The following ST6GALNAC3 variants were observed in gnomAD, a reference collection of about 807,000 sequenced individuals.
ST6GALNAC3 encodes the protein ST6 N-acetylgalactosaminide alpha-2,6-sialyltransferase 3.
Under a neutral mutation model 32.7 loss-of-function variants are expected in ST6GALNAC3, and 25 were observed. The observed-to-expected ratio is 0.76, with a 90% CI of 0.56 to 1.07. ST6GALNAC3 has a LOEUF of 1.07. Ranked by LOEUF, ST6GALNAC3 falls within the 50% of genes least tolerant of loss-of-function variation. ST6GALNAC3 has a pLI of 0.00. For synonymous variants in ST6GALNAC3, 129 were observed against 133.1 expected (o/e 0.97, Z 0.21); for missense variants, 355 against 382.4 (o/e 0.93, Z 0.60).
At chr1:76,537,762 A>G (rs1663712143) in intron 3 of ST6GALNAC3, among the ~76,000 whole-genome samples, 1 of 152,148 alleles carries the variant, frequency 6.6e-6, no homozygotes, top group East Asian at 1.9e-4. Context: ...TAACTAGAAA[A>G]TACAGTAGAA....
chr1:76,610,433 C>A (rs567573468), intron 3 of ST6GALNAC3, among the ~76,000 whole-genome samples: 1 of 152,208 alleles, frequency 6.6e-6, no homozygotes, highest in South Asian at 2.1e-4. Flanking sequence ...AGGGAAGCAT[C>A]AAAGTTAGGT....
intron 2 of ST6GALNAC3, among the ~76,000 whole-genome samples, chr1:76,408,946 G>T (rs1258470399): frequency 6.6e-6 from 1 of 152,134 alleles, no homozygotes; most frequent in East Asian, 1.9e-4. Context: ...TTGCATGACT[G>T]TAAGTGAATT....
chr1:76,625,835 TG>T (rs1327588251), intron 3 of ST6GALNAC3, among the ~76,000 whole-genome samples: 1 of 151,930 alleles, frequency 6.6e-6, no homozygotes, highest in East Asian at 1.9e-4. Flanking sequence ...TAACTCACTG[TG>T]ATCTAGTTTC....
In ST6GALNAC3 at chr1:76,542,418, C is replaced by A. The variant is rs145879098; in HGVS notation, c.624-85034C>A. ...TATAGTAAGGGCTCAAAAAATGAAG[C>A]CTGCTATGGAATTATGACTATTAAT... On this transcript the variant is annotated intron_variant, in intron 3 of 4. Transcript: ENST00000328299. Among the ~76,000 whole-genome samples, 822 of 152,238 alleles carry A rather than the reference C, an allele frequency of 5.4e-3. 4 individuals are homozygous for A. Among genetic ancestry groups the A allele is most frequent in the Non-Finnish European group, 9.7e-3 (657 of 68,014 alleles).
chr1:76,374,753 A>G (rs1484396174), intron 2 of ST6GALNAC3, among the ~76,000 whole-genome samples: 1 of 152,150 alleles, frequency 6.6e-6, no homozygotes, highest in Non-Finnish European at 1.5e-5. Flanking sequence ...TTAATTTTAC[A>G]TTAATATTGA....
intron 1 of ST6GALNAC3, among the ~76,000 whole-genome samples, chr1:76,229,957 T>C (rs1432267063): frequency 1.3e-5 from 2 of 152,190 alleles, no homozygotes; most frequent in Non-Finnish European, 2.9e-5. Flanking sequence ...TGTAAAACTA[T>C]AAAGGAAAAC....
intron 3 of ST6GALNAC3, among the ~76,000 whole-genome samples, chr1:76,528,905 T>A (rs1663082726): frequency 6.7e-6 from 1 of 150,374 alleles, no homozygotes; most frequent in Admixed American, 6.7e-5. Flanking sequence ...GATATTAGCA[T>A]CAAGCAGATT....
chr1:76,237,422 G>GA (rs1656720186), intron 1 of ST6GALNAC3, among the ~76,000 whole-genome samples: 4 of 152,176 alleles, frequency 2.6e-5, no homozygotes, highest in Non-Finnish European at 5.9e-5. Flanking sequence ...GCCTGGTGTG[G>GA]AATTCTTTAA....
intron 3 of ST6GALNAC3, among the ~76,000 whole-genome samples, chr1:76,422,041 A>G (rs1655061558): frequency 6.6e-6 from 1 of 151,820 alleles, no homozygotes; most frequent in Non-Finnish European, 1.5e-5. Flanking sequence ...CTAACATTCT[A>G]TATAATATAC....
At chr1:76,614,282 G>A (rs1648131598) in intron 3 of ST6GALNAC3, among the ~76,000 whole-genome samples, 1 of 152,118 alleles carries the variant, frequency 6.6e-6, no homozygotes, top group South Asian at 2.1e-4. Flanking sequence ...AGATTCTCAG[G>A]CCAATTCTCA....
At chr1:76,614,992 T>C (rs1278687868) in intron 3 of ST6GALNAC3, among the ~76,000 whole-genome samples, 5 of 151,948 alleles carry the variant, frequency 3.3e-5, no homozygotes, top group Non-Finnish European at 2.9e-5. Context: ...CTTCTGGAAA[T>C]AGTAGTAAGA....
intron 2 of ST6GALNAC3, among the ~76,000 whole-genome samples, chr1:76,379,361 A>T (rs1651523361): frequency 6.6e-6 from 1 of 152,134 alleles, no homozygotes; most frequent in South Asian, 2.1e-4. Context: ...AACTCGCCTA[A>T]ATCTCCCACC....
chr1:76,393,801 T>C (rs1652741043), intron 2 of ST6GALNAC3, among the ~76,000 whole-genome samples: 2 of 152,134 alleles, frequency 1.3e-5, no homozygotes, highest in African/African-American at 4.8e-5. Context: ...TCCCAAGAAG[T>C]GTGGATCCTG....
At chr1:76,128,143 T>C (rs1206844361) in intron 1 of ST6GALNAC3, among the ~76,000 whole-genome samples, 1 of 152,140 alleles carries the variant, frequency 6.6e-6, no homozygotes, top group East Asian at 1.9e-4. Context: ...GCATTGCCTA[T>C]GGGCTTGGAA....
intron 1 of ST6GALNAC3, among the ~76,000 whole-genome samples, chr1:76,281,846 G>A (rs963979960): frequency 6.6e-5 from 10 of 152,106 alleles, no homozygotes; most frequent in Non-Finnish European, 1.0e-4. Flanking sequence ...TTTTTAGACC[G>A]AATTGGCAGT....
At chr1:76,464,535 T>A (rs146622581) in intron 3 of ST6GALNAC3, among the ~76,000 whole-genome samples, 1 of 152,180 alleles carries the variant, frequency 6.6e-6, no homozygotes. Flanking sequence ...TGCTGACAAG[T>A]TGACCACCAG....
chr1:76,541,004 T>C (rs1452138256), intron 3 of ST6GALNAC3, among the ~76,000 whole-genome samples: 3 of 152,046 alleles, frequency 2.0e-5, no homozygotes, highest in Non-Finnish European at 2.9e-5. Context: ...CTAAGTAAGT[T>C]TTTAGAGTCA....
intron 1 of ST6GALNAC3, among the ~76,000 whole-genome samples, chr1:76,287,230 T>A (rs918622460): frequency 6.6e-6 from 1 of 152,122 alleles, no homozygotes; most frequent in African/African-American, 2.4e-5. Flanking sequence ...GATTTCTCAT[T>A]TTGCACAAAT....
At chr1:76,324,060 A>G (rs1386294022) in intron 2 of ST6GALNAC3, among the ~76,000 whole-genome samples, 2 of 152,052 alleles carry the variant, frequency 1.3e-5, no homozygotes, top group East Asian at 1.9e-4. Context: ...TGGTTTCACC[A>G]TGTTGCCCAA....
Sources: allele counts gnomAD v4.1 joint callset (sites outside exome capture counted in the v4.1 genomes callset), GRCh38; gene constraint gnomAD v4.1.1; transcripts MANE v1.5; gene names NCBI Gene and HGNC (gene_info 2026-07-23, HGNC 2026-07-21).